TRPM7: variants seen among roughly 807,000 people sequenced by gnomAD.
The protein encoded by TRPM7 is LTRPC ion channel family member 7.
Under a neutral mutation model 229.7 loss-of-function variants are expected in TRPM7, and 134 were observed. That is an observed-to-expected ratio of 0.58 (90% CI 0.51 to 0.67). The LOEUF is 0.67. TRPM7 is among the 30% of genes least tolerant of loss of function. The pLI, the probability that TRPM7 is intolerant of heterozygous loss-of-function variation, is 0.00. For synonymous variants in TRPM7, 699 were observed against 715.2 expected, an observed-to-expected ratio of 0.98 and a Z score of 0.36; for missense variants, 1,901 against 2,210.0, an observed-to-expected ratio of 0.86 and a Z score of 2.80.
In TRPM7 at chr15:50,575,027, C is replaced by T. The variant is rs2054066416; in HGVS notation, c.4844G>A (p.Ser1615Asn). The T allele has an allele frequency of 6.2e-7, 1 of 1,614,126 alleles. No individual in the cohort carries two copies. Among genetic ancestry groups the T allele is most frequent in the Non-Finnish European group, 8.5e-7 (1 of 1,179,996 alleles). The change falls in exon 34 of 39, where the codon AGC (serine) becomes AAC (asparagine). Residue 1615 changes from serine to asparagine, a missense_variant. By Grantham distance (46) the Ser-to-Asn change is conservative. This residue lies in a region of TRPM7 where 257 missense variants were observed against 352.0 expected (regional missense o/e 0.73). Coordinates refer to ENST00000646667, the MANE Select transcript of TRPM7 (RefSeq NM_017672.6). Reference sequence around the variant, plus strand: ...TAAACCTCCTCCCATCTCCTCTTTGCTTAAAAACTCTATTTTGGCACAGAG... The same window carrying T: ...TAAACCTCCTCCCATCTCCTCTTTGTTTAAAAACTCTATTTTGGCACAGAG... ...LGLCAKIEFL[S>N]KEEMGGGLRR...
chr15:50,596,099 AG>A, intron 23 of TRPM7, among the ~76,000 whole-genome samples, 155 bp downstream of exon 23: 1 of 152,222 alleles, frequency 6.6e-6, no homozygotes, highest in East Asian at 1.9e-4. Context: ...TCATTTGATT[AG>A]AAAAAGCATC....
chr15:50,570,906 A>G (rs1312314276), intron 36 of TRPM7, among the ~76,000 whole-genome samples: 1 of 152,044 alleles, frequency 6.6e-6, no homozygotes, highest in Non-Finnish European at 1.5e-5. Context: ...TTTAAGGGAA[A>G]AAAACCACAC....
rs754901297 is a variant in TRPM7 at position 50,611,286 on chromosome 15, T to C, written c.2087A>G (p.Gln696Arg). ...FGQLAVELLE[Q>R]SFRQDETMAM... The stretch of plus-strand genomic sequence containing the variant: ...CATGGTTTCATCTTGTCTGAAGGAC[T>C]GTTCTAATAATTCAACGGCCAACTG... Residue 696 changes from glutamine (Q) to arginine (R), a missense_variant, in exon 17 of 39, where the codon CAG (glutamine) becomes CGG (arginine). Around this residue, in one of 8 missense-constraint regions of TRPM7, gnomAD observed 794 missense variants for 881.9 expected, o/e 0.90. Coordinates refer to ENST00000646667, the MANE Select transcript of TRPM7 (RefSeq NM_017672.6). 1.2e-6 allele frequency: 2 copies of C among 1,613,858 alleles called. No individual in the cohort carries two copies. The highest frequency in any genetic ancestry group is 2.2e-5 in the East Asian group (1 of 44,828).
In TRPM7 at chr15:50,613,741, T is replaced by C. The variant is rs1209303696; in HGVS notation, c.1736A>G (p.His579Arg). 1 of 1,612,164 alleles carries C rather than the reference T, an allele frequency of 6.2e-7. No homozygotes were observed. Among genetic ancestry groups the C allele is most frequent in the Non-Finnish European group, 8.5e-7 (1 of 1,179,234 alleles). ...ADKKEKMRHN[H>R]FIKTAQPYRP... Reference sequence around the variant, plus strand: ...GTAGGGCTGTGCTGTCTTAATGAAATGGTTATGCCTCATTTTTTCCTTTTT... The same window carrying C: ...GTAGGGCTGTGCTGTCTTAATGAAACGGTTATGCCTCATTTTTTCCTTTTT... Residue 579 changes from histidine to arginine, a missense_variant, in exon 15 of 39, where the codon CAT becomes CGT. Physicochemically the swap from His to Arg is conservative, Grantham distance 29 (BLOSUM62 0). This residue lies in a region of TRPM7 where 794 missense variants were observed against 881.9 expected (regional missense o/e 0.90). Coordinates refer to ENST00000646667, the MANE Select transcript of TRPM7 (RefSeq NM_017672.6).
At chr15:50,627,925 C>G (rs991872416) in intron 11 of TRPM7, among the ~76,000 whole-genome samples, 2 of 152,108 alleles carry the variant, frequency 1.3e-5, no homozygotes, top group African/African-American at 4.8e-5. Flanking sequence ...TCTTTCAGTT[C>G]TAAGATTCTT....
intron 1 of TRPM7, among the ~76,000 whole-genome samples, chr15:50,676,971 T>C (rs1190081966): frequency 6.6e-6 from 1 of 152,208 alleles, no homozygotes; most frequent in Non-Finnish European, 1.5e-5. Flanking sequence ...ATATTCCTGC[T>C]GCCCATTGTA....
chr15:50,683,759 G>C (rs1162646756), intron 1 of TRPM7, among the ~76,000 whole-genome samples: 2 of 151,968 alleles, frequency 1.3e-5, no homozygotes, highest in African/African-American at 4.8e-5. Context: ...AAAAAAACAA[G>C]TGCAAGACTC....
At chr15:50,680,916 G>T (rs1233957665) in intron 1 of TRPM7, among the ~76,000 whole-genome samples, 1 of 152,078 alleles carries the variant, frequency 6.6e-6, no homozygotes, top group Non-Finnish European at 1.5e-5. Flanking sequence ...TATAAATAAT[G>T]GAGAAAACAG....
chr15:50,668,901 T>C (rs905022236), intron 1 of TRPM7, among the ~76,000 whole-genome samples: 2 of 152,208 alleles, frequency 1.3e-5, no homozygotes, highest in Non-Finnish European at 2.9e-5. Flanking sequence ...AGGCTTTGAC[T>C]GGAATGATGT....
intron 10 of TRPM7, among the ~76,000 whole-genome samples, chr15:50,629,500 T>C (rs1042785044): frequency 1.3e-5 from 2 of 150,714 alleles, no homozygotes; most frequent in African/African-American, 4.9e-5. Flanking sequence ...CTCAAACTCC[T>C]GGGCTCAAGC....
chr15:50,639,746 T>G (rs1245451459), intron 5 of TRPM7, among the ~76,000 whole-genome samples, 198 bp from the exon 6 acceptor site: 2 of 151,484 alleles, frequency 1.3e-5, no homozygotes, highest in African/African-American at 4.9e-5. Context: ...TTTTTTTTTT[T>G]TTTTTCAGTA....
At chr15:50,620,006 GT>G (rs1362683625) in intron 12 of TRPM7, among the ~76,000 whole-genome samples, 1 of 152,060 alleles carries the variant, frequency 6.6e-6, no homozygotes, top group African/African-American at 2.4e-5. Context: ...TGATACATAA[GT>G]TTTTGTTTCA....
chr15:50,608,079 G>GA (rs956173400), intron 19 of TRPM7, among the ~76,000 whole-genome samples: 2 of 145,558 alleles, frequency 1.4e-5, no homozygotes, highest in Non-Finnish European at 3.0e-5. Flanking sequence ...AAGAAAGAAA[G>GA]AAAGAAAAGA....
At chr15:50,588,564 T>C (rs1220793505) in intron 27 of TRPM7, among the ~76,000 whole-genome samples, 3 of 152,198 alleles carry the variant, frequency 2.0e-5, no homozygotes, top group African/African-American at 7.2e-5. Context: ...AAAGTAATCA[T>C]TCATAGAAAC....
At chr15:50,657,916 T>C (rs1326687881) in intron 2 of TRPM7, 97 bp from the exon 3 acceptor site, 4 of 853,616 alleles carry the variant, frequency 4.7e-6, no homozygotes, top group Non-Finnish European at 7.3e-6. Flanking sequence ...AAAAAAATTA[T>C]ATACCTAGTT....
chr15:50,665,719 G>T (rs1007748357), intron 1 of TRPM7, among the ~76,000 whole-genome samples: 3 of 152,164 alleles, frequency 2.0e-5, no homozygotes, highest in South Asian at 2.1e-4. Context: ...GCTGGGCCAG[G>T]CACAGTGGAT....
chr15:50,576,065 C>G (rs1256132823), intron 31 of TRPM7, 146 bp from the exon 32 acceptor site: 5 of 765,148 alleles, frequency 6.5e-6, no homozygotes, highest in Non-Finnish European at 1.0e-5. Flanking sequence ...TAAAATATGT[C>G]CACTGTGCTA....
chr15:50,566,022 A>G (rs2053582759), intron 38 of TRPM7, among the ~76,000 whole-genome samples: 1 of 151,916 alleles, frequency 6.6e-6, no homozygotes, highest in South Asian at 2.1e-4. Flanking sequence ...ATGGGGTTTC[A>G]CTATGTTGGC....
At chr15:50,679,523 T>TTATATATATGTGTATATATATA (rs2062189764) in intron 1 of TRPM7, among the ~76,000 whole-genome samples, 1 of 44,760 alleles carries the variant, frequency 2.2e-5, no homozygotes, top group African/African-American at 1.1e-4. Context: ...TATATATATA[T>TTATATATATGTGTATATATATA]ATATATATAT....
Sources: allele counts gnomAD v4.1 joint callset (sites outside exome capture counted in the v4.1 genomes callset), GRCh38; gene constraint gnomAD v4.1.1; regional missense constraint gnomAD v4.1.1; transcripts MANE v1.5; gene names NCBI Gene and HGNC (gene_info 2026-07-23, HGNC 2026-07-21).